AKAP13: variants seen among roughly 807,000 people sequenced by gnomAD.
AKAP13 encodes the protein A-kinase anchor protein 13.
In AKAP13, 80 loss-of-function variants were observed where a neutral mutation model predicts 264.5. That is an observed-to-expected ratio of 0.30 (90% CI 0.25 to 0.36). The LOEUF is 0.36. Ranked by LOEUF, AKAP13 falls within the 10% of genes least tolerant of loss-of-function variation. AKAP13 has a pLI of 1.00. For synonymous variants in AKAP13, 1,380 were observed against 1,250.2 expected (o/e 1.10, Z -2.19); for missense variants, 3,712 against 3,435.2 (o/e 1.08, Z -2.01).
Position 85,609,707 on chromosome 15 carries a change from A to G in AKAP13, c.4161+23884A>G, listed in dbSNP as rs12324597. 8.9e-3 allele frequency among the ~76,000 whole-genome samples: 1,361 copies of G among 152,276 alleles called. 18 individuals are homozygous for G. Among genetic ancestry groups the G allele is most frequent in the African/African-American group, 0.031 (1,302 of 41,540 alleles). ...GTTAATGCTTTTCCTACCTGATGTCATAGCAGTCCCTTGCATGAATCTGAT... is the reference window on the plus strand; with the variant it reads ...GTTAATGCTTTTCCTACCTGATGTCGTAGCAGTCCCTTGCATGAATCTGAT... On this transcript the variant is annotated intron_variant, in intron 8 of 36. Transcript: ENST00000394518.
At chr15:85,717,200 C>T (rs1450262077) in intron 20 of AKAP13, 90 bp from the exon 21 acceptor site, 1 of 775,440 alleles carries the variant, frequency 1.3e-6, no homozygotes, top group Non-Finnish European at 2.0e-6. Flanking sequence ...AGCCAGTTGT[C>T]ATTCTAGAGT....
At chr15:85,686,535 CAA>C (rs1296255133) in intron 16 of AKAP13, among the ~76,000 whole-genome samples, 2 of 151,644 alleles carry the variant, frequency 1.3e-5, no homozygotes, top group South Asian at 2.1e-4. Context: ...GGGAGAGATG[CAA>C]AGAGTCTAGC....
intron 2 of AKAP13, among the ~76,000 whole-genome samples, chr15:85,518,783 T>A (rs2076701405): frequency 1.3e-5 from 2 of 152,310 alleles, no homozygotes; most frequent in Non-Finnish European, 2.9e-5. Flanking sequence ...GAGCCCTGAT[T>A]GTGCCACTGC....
At position 85,580,166 on chromosome 15, in the gene AKAP13, T is replaced by C; in HGVS notation, c.2098T>C (p.Ser700Pro). 1 of 1,614,112 alleles carries C rather than the reference T, an allele frequency of 6.2e-7. No homozygotes were observed. Among genetic ancestry groups the C allele is most frequent in the Non-Finnish European group, 8.5e-7 (1 of 1,180,020 alleles). ...AAGCACCACAGCAAGGCAACCCAGC[T>C]CACAAGATCCACCCGATGCCTCCCA... is the stretch of plus-strand genomic sequence containing the variant. ...SESTTARQPSSQDPPDASHCE... is the reference protein window; with the variant it reads ...SESTTARQPSPQDPPDASHCE... The change falls in exon 7 of 37, where the codon TCA becomes CCA. Residue 700 changes from serine (S) to proline (P), a missense_variant. Physicochemically the swap from Ser to Pro is moderately conservative, Grantham distance 74. Coordinates refer to ENST00000394518, the MANE Select transcript of AKAP13 (RefSeq NM_007200.5).
chr15:85,674,350 G>A (rs2084098008), intron 14 of AKAP13, among the ~76,000 whole-genome samples: 1 of 152,140 alleles, frequency 6.6e-6, no homozygotes, highest in African/African-American at 2.4e-5. Flanking sequence ...AGAGCTATGT[G>A]TATAAGCTGT....
At chr15:85,480,848 C>A (rs1483367503) in intron 1 of AKAP13, 3 of 152,200 alleles carry the variant, frequency 2.0e-5, no homozygotes, top group East Asian at 3.9e-4. Context: ...CCACCACACC[C>A]GGCTAATTTT....
In AKAP13 at chr15:85,580,229, C is replaced by A. The variant is rs1171870839; in HGVS notation, c.2161C>A (p.Pro721Thr). Residue 721 changes from proline (P) to threonine (T), a missense_variant, in exon 7 of 37, where the codon CCT becomes ACT. Physicochemically the swap from Pro to Thr is conservative, Grantham distance 38. This residue lies in a region of AKAP13 where 2,759 missense variants were observed against 2,411.7 expected (regional missense o/e 1.14). Coordinates refer to ENST00000394518, the MANE Select transcript of AKAP13 (RefSeq NM_007200.5). ...ACAGGCTCATACAGTCACCTCTGAC[C>A]CTGTAAGGGATACCCAGGAACGTGC... ...DPQAHTVTSD[P>T]VRDTQERADF... 5 of 1,614,068 alleles carry A rather than the reference C, an allele frequency of 3.1e-6. No homozygotes were observed. The African/African-American group carries it at 6.7e-5, about 22-fold the overall frequency.
At chr15:85,656,419 C>G (rs970088798) in intron 11 of AKAP13, among the ~76,000 whole-genome samples, 2 of 152,124 alleles carry the variant, frequency 1.3e-5, no homozygotes, top group African/African-American at 4.8e-5. Flanking sequence ...AATTTGGAAG[C>G]AGGCTATATG....
chr15:85,415,350 G>A (rs1268370612), intron 1 of AKAP13: 1 of 1,578,246 alleles, frequency 6.3e-7, no homozygotes, highest in East Asian at 2.2e-5. Flanking sequence ...AGCCAAGCCA[G>A]ATTGTATCAT....
chr15:85,636,561 T>C lies in AKAP13; in HGVS notation c.4162-2813T>C, dbSNP rs760994251. Among the ~76,000 whole-genome samples, 34 of 152,208 alleles carry C rather than the reference T, an allele frequency of 2.2e-4. 1 individual carries two copies. The highest frequency in any genetic ancestry group is 6.5e-5 in the Admixed American group (1 of 15,282). ...CTTTGTCAGGTTGAGTAATTTCCTT[T>C]CTGTTCCTAGTGTTCTGAGAGTTTT... On this transcript the variant is annotated intron_variant, in intron 8 of 36. Coordinates refer to ENST00000394518, the MANE Select transcript of AKAP13 (RefSeq NM_007200.5).
chr15:85,579,882 C>T lies in AKAP13; in HGVS notation c.1814C>T (p.Thr605Ile). ...DKISDGLEPY[T>I]LLAAGIGEAM... Reference sequence around the variant, plus strand: ...ATTTCAGATGGATTAGAACCTTATACTCTCTTAGCAGCAGGCATAGGTGAG... The same window carrying T: ...ATTTCAGATGGATTAGAACCTTATATTCTCTTAGCAGCAGGCATAGGTGAG... Residue 605 changes from threonine to isoleucine, a missense_variant, in exon 7 of 37, where the codon ACT (threonine) becomes ATT (isoleucine). By Grantham distance (89) the Thr-to-Ile change is moderately conservative. Around this residue, in one of 3 missense-constraint regions of AKAP13, gnomAD observed 2,759 missense variants for 2,411.7 expected, o/e 1.14. Coordinates refer to ENST00000394518, the MANE Select transcript of AKAP13 (RefSeq NM_007200.5). 6.2e-7 allele frequency: 1 copy of T among 1,614,196 alleles called. No individual in the cohort carries two copies. Among genetic ancestry groups the T allele is most frequent in the Non-Finnish European group, 8.5e-7 (1 of 1,180,044 alleles).
intron 23 of AKAP13, among the ~76,000 whole-genome samples, chr15:85,719,680 A>G (rs1462664945): frequency 1.3e-5 from 2 of 152,166 alleles, no homozygotes; most frequent in Non-Finnish European, 2.9e-5. Flanking sequence ...TCATGCCTGT[A>G]ATCCCAGCAC....
intron 11 of AKAP13, 46 bp downstream of exon 11, chr15:85,655,833 T>C: frequency 6.5e-7 from 1 of 1,547,802 alleles, no homozygotes; most frequent in African/African-American, 1.4e-5. Context: ...TCTGCTTGCT[T>C]TTGAGAAGCT....
intron 8 of AKAP13, among the ~76,000 whole-genome samples, chr15:85,621,741 T>A (rs2151422797): frequency 6.6e-6 from 1 of 152,330 alleles, no homozygotes; most frequent in Non-Finnish European, 1.5e-5. Context: ...GCCAGGCAGT[T>A]ACTTTTTACC....
At chr15:85,407,598 A>C (rs917817090) in intron 1 of AKAP13, among the ~76,000 whole-genome samples, 4 of 151,600 alleles carry the variant, frequency 2.6e-5, no homozygotes, top group African/African-American at 9.8e-5. Context: ...GGAGAGAAAG[A>C]ATGGAATGAT....
intron 8 of AKAP13, among the ~76,000 whole-genome samples, chr15:85,617,228 T>G (rs1046379263): frequency 2.1e-5 from 3 of 143,108 alleles, no homozygotes; most frequent in Admixed American, 6.9e-5. Flanking sequence ...GAAAAGCTTT[T>G]TTGTTGTTGT....
At chr15:85,573,681 C>T (rs1218151479) in intron 5 of AKAP13, among the ~76,000 whole-genome samples, 1 of 152,010 alleles carries the variant, frequency 6.6e-6, no homozygotes, top group Non-Finnish European at 1.5e-5. Context: ...TATTATTGTG[C>T]CTGATCTTTG....
At chr15:85,504,970 C>T (rs999722728) in intron 2 of AKAP13, among the ~76,000 whole-genome samples, 2 of 152,006 alleles carry the variant, frequency 1.3e-5, no homozygotes, top group Admixed American at 6.6e-5. Flanking sequence ...TGCTCTCACT[C>T]TCTGTGTGTG....
At chr15:85,444,941 A>G (rs1278820422) in intron 1 of AKAP13, among the ~76,000 whole-genome samples, 3 of 152,148 alleles carry the variant, frequency 2.0e-5, no homozygotes, top group Non-Finnish European at 2.9e-5. Context: ...AGCTGAGGGA[A>G]TTAAGGCGGA....
Sources: allele counts gnomAD v4.1 joint callset (sites outside exome capture counted in the v4.1 genomes callset), GRCh38; gene constraint gnomAD v4.1.1; regional missense constraint gnomAD v4.1.1; transcripts MANE v1.5; gene names NCBI Gene and HGNC (gene_info 2026-07-23, HGNC 2026-07-21).